The following MAGI2 variants were observed in gnomAD, a reference collection of about 807,000 sequenced individuals.
MAGI2 encodes membrane-associated guanylate kinase, WW and PDZ domain-containing protein 2.
MAGI2 carries 35 observed loss-of-function variants against 133.3 expected under a neutral mutation model. The observed-to-expected ratio is 0.26, with a 90% confidence interval of 0.20 to 0.35. The LOEUF (loss-of-function observed/expected upper bound fraction) is 0.35. MAGI2 is among the 10% of genes least tolerant of loss of function. The pLI, the probability that MAGI2 is intolerant of heterozygous loss-of-function variation, is 1.00. For synonymous variants in MAGI2, 729 were observed against 710.6 expected (o/e 1.03, Z -0.41); for missense variants, 1,636 against 1,863.4 (o/e 0.88, Z 2.25).
intron 2 of MAGI2, among the ~76,000 whole-genome samples, chr7:78,706,895 A>C (rs1563384431): frequency 6.6e-6 from 1 of 152,116 alleles, no homozygotes; most frequent in Non-Finnish European, 1.5e-5. Context: ...AATACAACAG[A>C]CTCAGGTCAA....
intron 2 of MAGI2, among the ~76,000 whole-genome samples, chr7:78,711,480 G>T (rs383636): frequency 2.6e-5 from 4 of 151,822 alleles, no homozygotes; most frequent in Admixed American, 1.3e-4. Flanking sequence ...CTCTAATTTT[G>T]TCCTGTCTAT....
At chr7:78,965,403 G>A (rs1045212479) in intron 2 of MAGI2, among the ~76,000 whole-genome samples, 1 of 151,826 alleles carries the variant, frequency 6.6e-6, no homozygotes, top group African/African-American at 2.4e-5. Flanking sequence ...ATTTCTTGGA[G>A]GCAGTTAATT....
chr7:78,533,677 T>A (rs1182061421), intron 3 of MAGI2, among the ~76,000 whole-genome samples: 3 of 152,206 alleles, frequency 2.0e-5, no homozygotes, highest in Non-Finnish European at 4.4e-5. Context: ...TAGTTCTTAG[T>A]ACCACAAAAG....
chr7:79,355,177 C>T (rs574646761), intron 1 of MAGI2, among the ~76,000 whole-genome samples: 1 of 152,300 alleles, frequency 6.6e-6, no homozygotes, highest in South Asian at 2.1e-4. Context: ...TCAGATTCTT[C>T]CCCCTCTCAC....
At chr7:79,267,539 A>G (rs1834565794) in intron 1 of MAGI2, among the ~76,000 whole-genome samples, 1 of 152,148 alleles carries the variant, frequency 6.6e-6, no homozygotes, top group African/African-American at 2.4e-5. Flanking sequence ...TTTATAATAG[A>G]ACTTGTCTAT....
At chr7:79,157,972 G>GTC (rs1823975606) in intron 1 of MAGI2, among the ~76,000 whole-genome samples, 2 of 145,862 alleles carry the variant, frequency 1.4e-5, no homozygotes, top group East Asian at 2.1e-4. Context: ...GTGTGTGTGT[G>GTC]TGTGTATTTA....
At chr7:79,422,968 G>T (rs1585923224) in intron 1 of MAGI2, among the ~76,000 whole-genome samples, 1 of 151,832 alleles carries the variant, frequency 6.6e-6, no homozygotes, top group African/African-American at 2.4e-5. Context: ...AACCATAAAT[G>T]GTGAAAAACA....
chr7:78,187,367 A>C (rs1439821709), intron 12 of MAGI2, among the ~76,000 whole-genome samples: 1 of 152,144 alleles, frequency 6.6e-6, no homozygotes, highest in African/African-American at 2.4e-5. Context: ...GCATTTACAG[A>C]GGAGGCAACT....
chr7:78,440,975 C>T (rs931161174), intron 6 of MAGI2, among the ~76,000 whole-genome samples: 1 of 151,904 alleles, frequency 6.6e-6, no homozygotes, highest in Admixed American at 6.6e-5. Flanking sequence ...AATAAATACC[C>T]GAGAGAAGTC....
At chr7:79,321,574 C>T (rs149652300) in intron 1 of MAGI2, among the ~76,000 whole-genome samples, 1,631 of 152,240 alleles carry the variant, frequency 0.011, 21 homozygotes, top group Non-Finnish European at 0.013. Flanking sequence ...TGTGAGAGAA[C>T]AAATTTTTTT....
intron 21 of MAGI2, among the ~76,000 whole-genome samples, chr7:78,070,160 T>TACACACAC (rs1484073918): frequency 2.1e-4 from 11 of 51,678 alleles, no homozygotes; most frequent in African/African-American, 7.4e-4. Flanking sequence ...CACACATATA[T>TACACACAC]ATACACACAC....
intron 2 of MAGI2, among the ~76,000 whole-genome samples, chr7:78,969,791 C>G (rs1359169707): frequency 3.3e-5 from 5 of 151,964 alleles, no homozygotes; most frequent in Non-Finnish European, 7.4e-5. Context: ...AATAAAATAT[C>G]ACTACATATT....
chr7:78,843,192 A>G (rs941560126), intron 2 of MAGI2, among the ~76,000 whole-genome samples: 6 of 151,890 alleles, frequency 4.0e-5, no homozygotes, highest in Non-Finnish European at 8.8e-5. Flanking sequence ...CCAAGTTGTG[A>G]CAACCAAATG....
At chr7:79,227,942 A>T (rs1830994431) in intron 1 of MAGI2, among the ~76,000 whole-genome samples, 1 of 152,204 alleles carries the variant, frequency 6.6e-6, no homozygotes, top group African/African-American at 2.4e-5. Context: ...TATCATATTT[A>T]AAAGTGTTGG....
At chr7:79,220,452 G>C (rs1425824942) in intron 1 of MAGI2, among the ~76,000 whole-genome samples, 1 of 151,772 alleles carries the variant, frequency 6.6e-6, no homozygotes, top group Non-Finnish European at 1.5e-5. Context: ...AGTCTTTAAT[G>C]ACCCCAATAC....
At chr7:78,268,611 A>AGACTT (rs544871002) in intron 9 of MAGI2, among the ~76,000 whole-genome samples, 376 of 152,330 alleles carry the variant, frequency 2.5e-3, no homozygotes, top group Middle Eastern at 6.8e-3. Flanking sequence ...GGTTACATTC[A>AGACTT]GACTTGTCTT....
chr7:78,861,716 G>A (rs1794167633), intron 2 of MAGI2, among the ~76,000 whole-genome samples: 1 of 152,114 alleles, frequency 6.6e-6, no homozygotes, highest in South Asian at 2.1e-4. Context: ...ATGAAATTAG[G>A]AGAATATATG....
At chr7:78,632,083 G>T (rs1196835211) in intron 2 of MAGI2, among the ~76,000 whole-genome samples, 2 of 152,162 alleles carry the variant, frequency 1.3e-5, no homozygotes, top group Non-Finnish European at 2.9e-5. Flanking sequence ...GAGCAGAAAT[G>T]ATTTTTTTAA....
intron 2 of MAGI2, among the ~76,000 whole-genome samples, chr7:78,674,001 A>T (rs562030401): frequency 1.7e-4 from 26 of 152,302 alleles, no homozygotes; most frequent in African/African-American, 6.0e-4. Context: ...TCAAACACAA[A>T]CACAGTCTAT....
Sources: allele counts gnomAD v4.1 joint callset (sites outside exome capture counted in the v4.1 genomes callset), GRCh38; gene constraint gnomAD v4.1.1; transcripts MANE v1.5; gene names NCBI Gene and HGNC (gene_info 2026-07-23, HGNC 2026-07-21).